Variants in HECW1 observed in about 807,000 individuals in gnomAD.
HECW1 encodes E3 ubiquitin-protein ligase HECW1.
HECW1 carries 61 observed loss-of-function variants against 182.3 expected under a neutral mutation model. That is an observed-to-expected ratio of 0.33 (90% CI 0.27 to 0.41). The LOEUF is 0.41. Ranked by LOEUF, HECW1 falls within the 10% of genes least tolerant of loss-of-function variation. HECW1 has a pLI of 1.00. For missense variants in HECW1, 1,739 were observed against 2,108.9 expected, an observed-to-expected ratio of 0.82 and a Z score of 3.44; for synonymous variants, 859 against 832.6, an observed-to-expected ratio of 1.03 and a Z score of -0.55.
At chr7:43,283,876 C>T (rs936864981) in intron 3 of HECW1, among the ~76,000 whole-genome samples, 1 of 152,204 alleles carries the variant, frequency 6.6e-6, no homozygotes, top group Admixed American at 6.5e-5. Flanking sequence ...ATTAAATTGT[C>T]ATTTCTCCTA....
intron 13 of HECW1, among the ~76,000 whole-genome samples, chr7:43,458,435 A>G (rs1394866131): frequency 2.0e-5 from 3 of 152,184 alleles, no homozygotes; most frequent in Non-Finnish European, 4.4e-5. Flanking sequence ...CAGGTCTCCA[A>G]ATAAGTTTTA....
Position 43,181,181 on chromosome 7 carries a change from A to G in HECW1, c.-31-62694A>G, listed in dbSNP as rs546897302. Among the ~76,000 whole-genome samples, 26 of 151,012 alleles carry G rather than the reference A, an allele frequency of 1.7e-4. 2 individuals carry two copies. The highest frequency in any genetic ancestry group is 6.4e-4 in the African/African-American group (26 of 40,334). On this transcript the variant is annotated intron_variant, in intron 2 of 29. Coordinates refer to ENST00000395891, the MANE Select transcript of HECW1 (RefSeq NM_015052.5). ...ATGTTGTGGCAAATGACACCATTTC[A>G]TTCTTTTTTATGGCTGAATAGTATT...
At chr7:43,209,210 C>T (rs1795770950) in intron 2 of HECW1, among the ~76,000 whole-genome samples, 1 of 152,042 alleles carries the variant, frequency 6.6e-6, no homozygotes. Flanking sequence ...TGCCCATGAT[C>T]GCCATCGTGG....
intron 29 of HECW1, among the ~76,000 whole-genome samples, chr7:43,555,992 A>C (rs1367335479): frequency 6.6e-6 from 1 of 152,250 alleles, no homozygotes; most frequent in Non-Finnish European, 1.5e-5. Context: ...CACTGATGAT[A>C]GCATGCAGCT....
intron 3 of HECW1, among the ~76,000 whole-genome samples, chr7:43,264,131 A>G (rs953412481): frequency 2.6e-5 from 4 of 152,190 alleles, no homozygotes; most frequent in African/African-American, 7.2e-5. Context: ...CAGTTTTGAA[A>G]TATGCAACAC....
chr7:43,460,702 A>G (rs1052712234), intron 13 of HECW1, among the ~76,000 whole-genome samples: 7 of 152,230 alleles, frequency 4.6e-5, no homozygotes, highest in Admixed American at 4.6e-4. Flanking sequence ...TTCCTAATGA[A>G]ATAGAAGAGA....
intron 8 of HECW1, among the ~76,000 whole-genome samples, chr7:43,421,717 A>G (rs760837425): frequency 2.6e-5 from 4 of 152,232 alleles, no homozygotes; most frequent in Non-Finnish European, 4.4e-5. Context: ...AATTAAAAGT[A>G]TGGTGTGATA....
chr7:43,237,141 GTA>G (rs1491588090), intron 2 of HECW1, among the ~76,000 whole-genome samples: 9 of 41,972 alleles, frequency 2.1e-4, no homozygotes, highest in African/African-American at 4.5e-4. Context: ...AAGGAAGGAA[GTA>G]GGTAGGTAGG....
chr7:43,350,189 G>A (rs1228157005), intron 5 of HECW1, among the ~76,000 whole-genome samples: 6 of 152,292 alleles, frequency 3.9e-5, no homozygotes, highest in Middle Eastern at 3.4e-3. Context: ...TGAAGATAGA[G>A]CCCCAATCCC....
chr7:43,176,306 C>A (rs1343314475), intron 2 of HECW1, among the ~76,000 whole-genome samples: 2 of 152,114 alleles, frequency 1.3e-5, no homozygotes, highest in African/African-American at 4.8e-5. Flanking sequence ...AAGGAGTATA[C>A]AACAGAACTT....
chr7:43,166,910 G>A (rs948028530), intron 2 of HECW1, among the ~76,000 whole-genome samples: 4 of 152,316 alleles, frequency 2.6e-5, no homozygotes, highest in Middle Eastern at 3.4e-3. Flanking sequence ...AACTGTGGCC[G>A]CATGTGGATG....
At position 43,479,688 on chromosome 7, in the gene HECW1, A is replaced by T. The variant is rs1342462828; in HGVS notation, c.3178A>T (p.Asn1060Tyr). The T allele has an allele frequency of 6.2e-7, 1 of 1,613,846 alleles. No homozygotes were observed. Among genetic ancestry groups the T allele is most frequent in the Non-Finnish European group, 8.5e-7 (1 of 1,179,976 alleles). ...CCCTCTTCAGAACGGTCGTCTTCCC[A>T]ATCATCTAACTCACCGACAGCACCT... ...RIPLQNGRLPNHLTHRQHLQR... is the reference protein window; with the variant it reads ...RIPLQNGRLPYHLTHRQHLQR... Residue 1060 changes from asparagine (N) to tyrosine (Y), a missense_variant, in exon 17 of 30, where the codon AAT becomes TAT. Asn to Tyr is a moderately radical substitution (Grantham distance 143, BLOSUM62 -2). Around this residue, in one of 5 missense-constraint regions of HECW1, gnomAD observed 971 missense variants for 1,029.1 expected, o/e 0.94. Coordinates refer to ENST00000395891, the MANE Select transcript of HECW1 (RefSeq NM_015052.5).
At chr7:43,531,455 T>A (rs1164192068) in intron 24 of HECW1, among the ~76,000 whole-genome samples, 1 of 152,236 alleles carries the variant, frequency 6.6e-6, no homozygotes, top group Non-Finnish European at 1.5e-5. Flanking sequence ...AGGCACTTGA[T>A]AAGTTTGTTG....
chr7:43,552,313 G>A lies in HECW1; in HGVS notation c.4487G>A (p.Arg1496Gln), dbSNP rs368182508. The A allele has an allele frequency of 9.7e-5, 156 of 1,611,930 alleles. No individual in the cohort carries two copies. Among genetic ancestry groups the A allele is most frequent in the Non-Finnish European group, 1.2e-4 (138 of 1,178,184 alleles). ...GTAEIDLNDW[R>Q]NNTEYRGGYH... is the part of the protein sequence containing the mutation. ...GCGGAAATCGACCTAAATGACTGGC[G>A]GAATAACACTGAGTACCGGGGAGGT... is the stretch of plus-strand genomic sequence containing the variant. The change falls in exon 28 of 30, where the codon CGG (arginine) becomes CAG (glutamine). Residue 1496 changes from arginine (R) to glutamine (Q), a missense_variant. This residue lies in a region of HECW1 where 420 missense variants were observed against 595.7 expected (regional missense o/e 0.71). Transcript: ENST00000395891.
chr7:43,417,647 G>C (rs569715596), intron 8 of HECW1, among the ~76,000 whole-genome samples: 2 of 152,186 alleles, frequency 1.3e-5, no homozygotes, highest in African/African-American at 4.8e-5. Context: ...AGTATCACTT[G>C]AGCCCAGAGT....
At position 43,442,570 on chromosome 7, in the gene HECW1, C is replaced by T; in HGVS notation, c.986C>T (p.Thr329Ile). 1 of 1,613,984 alleles carries T rather than the reference C, an allele frequency of 6.2e-7. No homozygotes were observed. Among genetic ancestry groups the T allele is most frequent in the Non-Finnish European group, 8.5e-7 (1 of 1,179,886 alleles). ...TACACACTTGGCCGCAGGCTTCCAA[C>T]AGATCATGTGAGTGGACAGCTGCAA... ...VSYTLGRRLP[T>I]DHVSGQLQFR... is the part of the protein sequence containing the mutation. The change falls in exon 10 of 30, where the codon ACA (threonine) becomes ATA (isoleucine). Residue 329 changes from threonine (T) to isoleucine (I), a missense_variant. By Grantham distance (89) the Thr-to-Ile change is moderately conservative (BLOSUM62 -1). Around this residue, in one of 5 missense-constraint regions of HECW1, gnomAD observed 66 missense variants for 113.8 expected, o/e 0.58. Coordinates refer to ENST00000395891, the MANE Select transcript of HECW1 (RefSeq NM_015052.5).
chr7:43,422,397 C>T (rs1433187188), intron 8 of HECW1, among the ~76,000 whole-genome samples: 2 of 141,168 alleles, frequency 1.4e-5, no homozygotes, highest in African/African-American at 5.3e-5. Flanking sequence ...GAGTCTCGCT[C>T]TGTCACCCAG....
intron 5 of HECW1, among the ~76,000 whole-genome samples, chr7:43,346,011 G>A (rs1390038638): frequency 6.6e-6 from 1 of 152,162 alleles, no homozygotes; most frequent in Non-Finnish European, 1.5e-5. Context: ...TAGATGCCCA[G>A]TAGTGGGATT....
intron 7 of HECW1, 148 bp downstream of exon 7, chr7:43,397,037 A>T (rs2075254905): frequency 1.6e-6 from 1 of 638,802 alleles, no homozygotes; most frequent in Non-Finnish European, 2.8e-6. Flanking sequence ...ATGTTTTTTA[A>T]ATCTGTTCAA....
Sources: allele counts gnomAD v4.1 joint callset (sites outside exome capture counted in the v4.1 genomes callset), GRCh38; gene constraint gnomAD v4.1.1; regional missense constraint gnomAD v4.1.1; transcripts MANE v1.5; gene names NCBI Gene and HGNC (gene_info 2026-07-23, HGNC 2026-07-21).